The following COL4A3 variants were observed in gnomAD, a reference collection of about 807,000 sequenced individuals.
COL4A3 encodes the protein collagen alpha-3(IV) chain.
Under a neutral mutation model 217.4 loss-of-function variants are expected in COL4A3, and 135 were observed. The ratio of observed to expected loss-of-function variants is 0.62; its 90% CI spans 0.54 to 0.72. The LOEUF is 0.72. Among genes scored for constraint, COL4A3 ranks in the 30% least tolerant of loss-of-function variants. The probability of loss-of-function intolerance (pLI) is 0.00; values close to 1 mark genes in which losing one functional copy is unlikely to be tolerated. For missense variants in COL4A3, 1,868 were observed against 2,119.9 expected (o/e 0.88, Z 2.33); for synonymous variants, 690 against 736.3 (o/e 0.94, Z 1.02).
At chr2:227,272,902 A>C in intron 25 of COL4A3, 47 bp from the exon 26 acceptor site, 1 of 1,591,960 alleles carries the variant, frequency 6.3e-7, no homozygotes, top group South Asian at 1.1e-5. Context: ...CTGTTGTAAG[A>C]ATATACTGGA....
Position 227,253,898 on chromosome 2 carries a change from T to C in COL4A3, c.766-214T>C, listed in dbSNP as rs1419710376. ...AAAAAAAAAAACAACAAAAAAAAGA[T>C]ACTTAAAAAAAAGCTTGCAGGTAGT... On this transcript the variant is annotated intron_variant, in intron 13 of 51. Coordinates refer to ENST00000396578, the MANE Select transcript of COL4A3 (RefSeq NM_000091.5). This position sits in a 1 kb window ranked among gnomAD's most constrained non-coding sequence, Gnocchi z 4.4. 3.9e-5 allele frequency among the ~76,000 whole-genome samples: 6 copies of C among 151,944 alleles called. No homozygotes were observed. Among genetic ancestry groups the C allele is most frequent in the Admixed American group, 3.3e-4 (5 of 15,236 alleles).
intron 1 of COL4A3, among the ~76,000 whole-genome samples, chr2:227,179,023 C>T (rs1291079923): frequency 6.6e-6 from 1 of 152,154 alleles, no homozygotes; most frequent in Admixed American, 6.5e-5. Flanking sequence ...GCAATCTTGG[C>T]TCACTGCAGC....
chr2:227,313,820 A>G lies in COL4A3; in HGVS notation c.*1950A>G, dbSNP rs1343003948. 2.0e-5 allele frequency: 3 copies of G among 152,160 alleles called. No individual in the cohort carries two copies. The allele number at this position is 152,160 out of a possible 1,614,324, so 9.4% of individuals were successfully genotyped here. A position where few individuals can be genotyped will look rare whatever the true frequency, so the allele number is the denominator to read the frequency against. ...ATATAGAGCTAGCTAATCTCTACAA[A>G]CCCTCTGTAGGCCAGTAGTTCTCAA... is the stretch of plus-strand genomic sequence containing the variant. On this transcript the variant is annotated 3_prime_UTR_variant, in exon 52 of 52. Transcript: ENST00000396578.
chr2:227,269,304 G>C (rs933502189), intron 23 of COL4A3, among the ~76,000 whole-genome samples: 13 of 152,130 alleles, frequency 8.5e-5, no homozygotes, highest in African/African-American at 3.1e-4. Context: ...AATACCCAGA[G>C]ACATTTTTCA....
intron 1 of COL4A3, among the ~76,000 whole-genome samples, chr2:227,206,295 A>C (rs1574568296): frequency 6.6e-6 from 1 of 151,722 alleles, no homozygotes; most frequent in East Asian, 1.9e-4. Flanking sequence ...GCTGGTCTCA[A>C]CTCCTGACCT....
At chr2:227,244,921 G>A (rs748032790) in intron 4 of COL4A3, 30 bp from the exon 5 acceptor site, 1 of 1,546,942 alleles carries the variant, frequency 6.5e-7, no homozygotes. Context: ...TTTTTTTTTT[G>A]CCACCCCCTC....
In COL4A3 at chr2:227,253,980, T is replaced by C; in HGVS notation, c.766-132T>C. The C allele has an allele frequency of 2.4e-6, 2 of 845,704 alleles. No homozygotes were observed. The highest frequency in any genetic ancestry group is 2.5e-5 in the East Asian group (1 of 39,444). The allele number at this position is 845,704 out of a possible 1,614,324, so 52.4% of individuals were successfully genotyped here. On this transcript the variant is annotated intron_variant, in intron 13 of 51. Coordinates refer to ENST00000396578, the MANE Select transcript of COL4A3 (RefSeq NM_000091.5). This position sits in a 1 kb window ranked among gnomAD's most constrained non-coding sequence, Gnocchi z 4.4. ...TGTGAGAAATGGAAGGTGTATTGGG[T>C]TGTGTTAACACGAGGCACATTCATA...
intron 20 of COL4A3, among the ~76,000 whole-genome samples, chr2:227,261,778 C>T (rs6436670): frequency 0.71 from 108,200 of 152,078 alleles, 38,914 homozygotes; most frequent in African/African-American, 0.84. Context: ...TTGAAAATGA[C>T]AGTTTTCATA....
chr2:227,195,565 C>T (rs568866679), intron 1 of COL4A3, among the ~76,000 whole-genome samples: 28 of 151,934 alleles, frequency 1.8e-4, no homozygotes, highest in African/African-American at 6.3e-4. Context: ...CAGTTATGTA[C>T]GATACATAAT....
At chr2:227,242,717 G>A (rs2069099999) in intron 3 of COL4A3, among the ~76,000 whole-genome samples, 1 of 152,134 alleles carries the variant, frequency 6.6e-6, no homozygotes, top group South Asian at 2.1e-4. Flanking sequence ...AATATTAGAA[G>A]GGTTTTAGGA....
intron 25 of COL4A3, among the ~76,000 whole-genome samples, chr2:227,272,196 A>G (rs981735255): frequency 2.6e-5 from 4 of 152,194 alleles, no homozygotes; most frequent in Non-Finnish European, 5.9e-5. Flanking sequence ...TCTAATATTA[A>G]GAGAATTTGT....
chr2:227,202,953 A>G lies in COL4A3; in HGVS notation c.88-35015A>G, dbSNP rs1321769521. On this transcript the variant is annotated intron_variant, in intron 1 of 51. Transcript: ENST00000396578. ...TATATGTGTATATATGTGTATATATACATATATGTGTATATATGTGTATAT... is the reference window on the plus strand; with the variant it reads ...TATATGTGTATATATGTGTATATATGCATATATGTGTATATATGTGTATAT... Among the ~76,000 whole-genome samples, 3 of 34,062 alleles carry G rather than the reference A, an allele frequency of 8.8e-5. 1 individual carries two copies. Among genetic ancestry groups the G allele is most frequent in the Non-Finnish European group, 1.5e-4 (3 of 19,864 alleles). 22.3% of individuals were successfully genotyped at this position (34,062 alleles called of 152,430 possible). A position where few individuals can be genotyped will look rare whatever the true frequency, so the allele number is the denominator to read the frequency against.
chr2:227,260,035 C>A (rs750759147), intron 19 of COL4A3, 158 bp downstream of exon 19: 1 of 760,286 alleles, frequency 1.3e-6, no homozygotes, highest in Non-Finnish European at 2.4e-6. Context: ...GTCTCCTGCT[C>A]TTCATATTTT....
chr2:227,312,722 C>G lies in COL4A3; in HGVS notation c.*852C>G, dbSNP rs769209706. 3.9e-5 allele frequency: 6 copies of G among 152,576 alleles called. No homozygotes were observed. The highest frequency in any genetic ancestry group is 7.3e-5 in the Non-Finnish European group (5 of 68,036). The allele number at this position is 152,576 out of a possible 1,614,324, so 9.5% of individuals were successfully genotyped here. A position where few individuals can be genotyped will look rare whatever the true frequency, so the allele number is the denominator to read the frequency against. On this transcript the variant is annotated 3_prime_UTR_variant, in exon 52 of 52. Transcript: ENST00000396578. ...CATACCCACACAAATAACAAGAATA[C>G]TACTTATGAAATGTGCACTTTATCC... is the stretch of plus-strand genomic sequence containing the variant.
At chr2:227,222,331 T>G (rs375927749) in intron 1 of COL4A3, 18 of 152,254 alleles carry the variant, frequency 1.2e-4, no homozygotes, top group African/African-American at 4.1e-4. Context: ...GTTCATTTTA[T>G]ACGTAGTGAA....
chr2:227,202,078 C>G (rs760790269), intron 1 of COL4A3, among the ~76,000 whole-genome samples: 7 of 152,124 alleles, frequency 4.6e-5, no homozygotes, highest in Admixed American at 1.3e-4. Flanking sequence ...CACAAAAATC[C>G]AGGTGCAGAA....
rs116468506 is a variant in COL4A3 at position 227,283,615 on chromosome 2, C to T, written c.2657-152C>T. 1,149 of 673,040 alleles carry T rather than the reference C, an allele frequency of 1.7e-3. 14 individuals carry two copies. In the African/African-American group the frequency reaches 0.019, roughly 11 times the overall value. 41.7% of individuals were successfully genotyped at this position (673,040 alleles called of 1,614,324 possible). A position where few individuals can be genotyped will look rare whatever the true frequency, so the allele number is the denominator to read the frequency against. On this transcript the variant is annotated intron_variant, in intron 32 of 51. Transcript: ENST00000396578. ...TAAAAGACCACTTACCGACCCATCT[C>T]CTAGACTAATACAGTAATTGTACTA...
intron 1 of COL4A3, among the ~76,000 whole-genome samples, chr2:227,201,340 G>A (rs1380494383): frequency 2.0e-5 from 3 of 152,136 alleles, no homozygotes; most frequent in African/African-American, 7.2e-5. Context: ...AATAGGAGTT[G>A]ACATAGTTAG....
intron 1 of COL4A3, chr2:227,221,393 T>C (rs2067775920): frequency 6.6e-6 from 1 of 151,604 alleles, no homozygotes; most frequent in Non-Finnish European, 1.5e-5. Context: ...TCTTCCCTCA[T>C]TGATGACCTT....
Sources: allele counts gnomAD v4.1 joint callset (sites outside exome capture counted in the v4.1 genomes callset), GRCh38; gene constraint gnomAD v4.1.1; non-coding constraint Gnocchi (gnomAD v3.1); transcripts MANE v1.5; gene names NCBI Gene and HGNC (gene_info 2026-07-23, HGNC 2026-07-21).